Variants in PDZD2 observed in about 807,000 individuals in gnomAD.
PDZD2 encodes PDZ domain-containing protein 2.
A neutral mutation model predicts 220.7 loss-of-function variants in PDZD2; 90 were observed. The ratio of observed to expected loss-of-function variants is 0.41; its 90% CI spans 0.34 to 0.49. PDZD2 has a LOEUF of 0.49. PDZD2 is among the 20% of genes least tolerant of loss of function. The pLI is 0.28. For missense variants in PDZD2, 3,174 were observed against 3,608.5 expected, an observed-to-expected ratio of 0.88 and a Z score of 3.08; for synonymous variants, 1,375 against 1,450.5, an observed-to-expected ratio of 0.95 and a Z score of 1.18.
intron 1 of PDZD2, among the ~76,000 whole-genome samples, chr5:31,655,710 AG>A (rs1745524040): frequency 6.6e-6 from 1 of 152,216 alleles, no homozygotes; most frequent in African/African-American, 2.4e-5. Context: ...CTGATGCCCC[AG>A]GGAGGGTGAT....
chr5:31,793,908 T>G (rs1194209546), intron 1 of PDZD2, among the ~76,000 whole-genome samples: 1 of 152,232 alleles, frequency 6.6e-6, no homozygotes. Flanking sequence ...TCATGGGTCA[T>G]GTGTGCAAAT....
chr5:31,761,064 T>C (rs914604854), intron 1 of PDZD2, among the ~76,000 whole-genome samples: 10 of 151,874 alleles, frequency 6.6e-5, no homozygotes, highest in African/African-American at 2.4e-4. Flanking sequence ...GGGCACATAG[T>C]AGGGGTGGTG....
At chr5:31,823,453 G>A (rs1756029080) in intron 2 of PDZD2, among the ~76,000 whole-genome samples, 1 of 152,138 alleles carries the variant, frequency 6.6e-6, no homozygotes, top group South Asian at 2.1e-4. Flanking sequence ...GGGAGACAGA[G>A]TGAGACTCTG....
At chr5:31,640,786 C>T (rs1011865071) in intron 1 of PDZD2, among the ~76,000 whole-genome samples, 1 of 151,774 alleles carries the variant, frequency 6.6e-6, no homozygotes, top group African/African-American at 2.4e-5. Flanking sequence ...TTCATGAATT[C>T]CTTCTTCCAT....
At chr5:31,801,519 C>T (rs1217077394) in intron 2 of PDZD2, among the ~76,000 whole-genome samples, 1 of 152,078 alleles carries the variant, frequency 6.6e-6, no homozygotes, top group Non-Finnish European at 1.5e-5. Flanking sequence ...CCGTTTGCAG[C>T]TATCTGGTTG....
At chr5:31,735,646 A>C (rs1749815343) in intron 1 of PDZD2, among the ~76,000 whole-genome samples, 1 of 152,084 alleles carries the variant, frequency 6.6e-6, no homozygotes, top group Non-Finnish European at 1.5e-5. Context: ...CTAAAAATAC[A>C]AAAATTAGCC....
intron 1 of PDZD2, among the ~76,000 whole-genome samples, chr5:31,768,734 C>T (rs1306174315): frequency 6.6e-6 from 1 of 151,958 alleles, no homozygotes; most frequent in African/African-American, 2.4e-5. Flanking sequence ...CATTGAGCAG[C>T]TCTTCAGTGA....
intron 12 of PDZD2, among the ~76,000 whole-genome samples, chr5:32,059,023 G>T (rs746815591): frequency 6.6e-6 from 1 of 152,184 alleles, no homozygotes; most frequent in Non-Finnish European, 1.5e-5. Flanking sequence ...GGATAATTCA[G>T]TCCGTAACTA....
intron 3 of PDZD2, among the ~76,000 whole-genome samples, chr5:31,992,837 C>A (rs1188292738): frequency 1.3e-5 from 2 of 149,652 alleles, no homozygotes; most frequent in African/African-American, 2.5e-5. Flanking sequence ...CAGCCAGCAT[C>A]CTTCTCTCAA....
In PDZD2 at chr5:32,090,975, C is replaced by T. The variant is rs371169529; in HGVS notation, c.7527C>T (p.Leu2509=). The change falls in exon 20 of 25, where the codon CTC becomes CTT. Residue 2509 remains leucine, a synonymous_variant. Coordinates refer to ENST00000438447, the MANE Select transcript of PDZD2 (RefSeq NM_178140.4). This position sits in a 1 kb window ranked among gnomAD's most constrained non-coding sequence, Gnocchi z 4.3. ...EDYSAGPSAV[L]FKTELEITPR... Reference sequence around the variant, plus strand: ...ACTCAGCAGGGCCGAGCGCCGTGCTCTTCAAAACTGAGCTGGAGATCACCC... The same window carrying T: ...ACTCAGCAGGGCCGAGCGCCGTGCTTTTCAAAACTGAGCTGGAGATCACCC... 3 of 1,613,844 alleles carry T rather than the reference C, an allele frequency of 1.9e-6. No homozygotes were observed. The highest frequency in any genetic ancestry group is 1.7e-6 in the Non-Finnish European group (2 of 1,180,012).
rs940735183 is a variant in PDZD2, at chr5:31,657,682, T to C, written c.-361+18245T>C. On this transcript the variant is annotated intron_variant, in intron 1 of 24. Transcript: ENST00000438447. ...TTAACAGCAGCCTTTGTGTAAAACATGGAGGCAGGTCATGAGACCGTGTGA... is the reference window on the plus strand; with the variant it reads ...TTAACAGCAGCCTTTGTGTAAAACACGGAGGCAGGTCATGAGACCGTGTGA... Among the ~76,000 whole-genome samples the C allele has an allele frequency of 7.9e-5, 12 of 152,296 alleles. No homozygotes were observed. The South Asian group carries it at 2.5e-3, about 32-fold the overall frequency.
chr5:32,083,238 A>G lies in PDZD2; in HGVS notation c.3683-3893A>G, dbSNP rs1247679601. Among the ~76,000 whole-genome samples the G allele has an allele frequency of 6.6e-6, 1 of 151,000 alleles. No homozygotes were observed. The highest frequency in any genetic ancestry group is 2.4e-5 in the African/African-American group (1 of 41,192). ...TCCACTGTGGTAGTCACCAGTACCT[A>G]ACAACCTTTTTAAACCTCATACATC... On this transcript the variant is annotated intron_variant, in intron 19 of 24. Transcript: ENST00000438447. This position sits in a 1 kb window ranked among gnomAD's most constrained non-coding sequence, Gnocchi z 4.1.
rs1179217565 is a variant in PDZD2, at chr5:31,822,143, T to G, written c.476+22419T>G. On this transcript the variant is annotated intron_variant, in intron 2 of 24. Coordinates refer to ENST00000438447, the MANE Select transcript of PDZD2 (RefSeq NM_178140.4). ...AAGTCTTTGCTATTGTAAATAGTGC[T>G]GCAATAAACATATGTGTACATGTGT... 4.6e-5 allele frequency among the ~76,000 whole-genome samples: 7 copies of G among 152,336 alleles called. No homozygotes were observed. In the East Asian group the frequency reaches 1.3e-3, roughly 29 times the overall value.
At chr5:31,850,038 GT>G in intron 2 of PDZD2, among the ~76,000 whole-genome samples, 1 of 48,190 alleles carries the variant, frequency 2.1e-5, no homozygotes, top group African/African-American at 2.6e-4. Flanking sequence ...ATATATACAC[GT>G]ATATATATAT....
At chr5:32,042,260 T>TA (rs767070006) in intron 7 of PDZD2, among the ~76,000 whole-genome samples, 3,164 of 76,976 alleles carry the variant, frequency 0.041, 101 homozygotes, top group African/African-American at 0.12. Context: ...AGACTCTGTC[T>TA]AAAAAAAAAA....
At chr5:32,002,274 G>A (rs921260161) in intron 5 of PDZD2, among the ~76,000 whole-genome samples, 15 of 152,084 alleles carry the variant, frequency 9.9e-5, no homozygotes, top group Admixed American at 5.2e-4. Context: ...GTCCCTGGAG[G>A]TAGGCGTTGA....
intron 1 of PDZD2, among the ~76,000 whole-genome samples, chr5:31,685,422 G>A (rs908762521): frequency 6.6e-6 from 1 of 152,158 alleles, no homozygotes; most frequent in Admixed American, 6.5e-5. Context: ...CAAAAGTTGT[G>A]AAAAGAGTAA....
rs760570144 is a variant in PDZD2, at chr5:32,072,199, T to G, written c.2607T>G (p.Phe869Leu). Residue 869 changes from phenylalanine (F) to leucine (L), a missense_variant, in exon 17 of 25, where the codon TTT becomes TTG. By Grantham distance (22) the Phe-to-Leu change is conservative. Around this residue, in one of 4 missense-constraint regions of PDZD2, gnomAD observed 1,861 missense variants for 2,001.0 expected, o/e 0.93. Coordinates refer to ENST00000438447, the MANE Select transcript of PDZD2 (RefSeq NM_178140.4). ...CTGAATCTGAACTCTCCCAGTACTT[T>G]GCCCACGATGTCCCTGGCCCCTTGT... ...LISESELSQYFAHDVPGPLSD... is the reference protein window; with the variant it reads ...LISESELSQYLAHDVPGPLSD... 2.5e-6 allele frequency: 4 copies of G among 1,613,580 alleles called. No individual in the cohort carries two copies. Among genetic ancestry groups the G allele is most frequent in the South Asian group, 1.1e-5 (1 of 91,066 alleles).
chr5:32,062,118 C>G (rs559408856), intron 14 of PDZD2, among the ~76,000 whole-genome samples: 1 of 152,162 alleles, frequency 6.6e-6, no homozygotes, highest in Non-Finnish European at 1.5e-5. Flanking sequence ...ATGTTTCCTT[C>G]TTAATGTTCA....
Sources: gnomAD v4.1 joint callset for allele counts (sites outside exome capture counted in the v4.1 genomes callset) on GRCh38, gnomAD v4.1.1 for gene constraint, gnomAD v4.1.1 regional missense constraint, Gnocchi (gnomAD v3.1) non-coding constraint, MANE v1.5 for transcripts, NCBI Gene and HGNC (gene_info 2026-07-23, HGNC 2026-07-21) for gene names.